HS6ST3: variants seen among roughly 807,000 people sequenced by gnomAD.
The protein encoded by HS6ST3 is heparan sulfate 6-O-sulfotransferase 3.
HS6ST3 carries 12 observed loss-of-function variants against 36.7 expected under a neutral mutation model. The observed-to-expected ratio is 0.33, with a 90% CI of 0.21 to 0.53. HS6ST3 has a LOEUF of 0.53. Ranked by LOEUF, HS6ST3 falls within the 20% of genes least tolerant of loss-of-function variation. HS6ST3 has a pLI of 0.95. For missense variants in HS6ST3, 584 were observed against 640.9 expected, an observed-to-expected ratio of 0.91 and a Z score of 0.96; for synonymous variants, 240 against 257.5, an observed-to-expected ratio of 0.93 and a Z score of 0.65.
At chr13:96,662,731 C>A (rs923207129) in intron 1 of HS6ST3, among the ~76,000 whole-genome samples, 2 of 152,070 alleles carry the variant, frequency 1.3e-5, no homozygotes, top group Non-Finnish European at 2.9e-5. Flanking sequence ...TTGGTTCTTT[C>A]TCATCTGGAG....
chr13:96,748,094 T>G (rs1876607167), intron 1 of HS6ST3, among the ~76,000 whole-genome samples: 1 of 152,104 alleles, frequency 6.6e-6, no homozygotes, highest in Non-Finnish European at 1.5e-5. Context: ...ACTTCATTCT[T>G]TGTTGTTACA....
At chr13:96,193,913 A>G (rs2054300261) in intron 1 of HS6ST3, among the ~76,000 whole-genome samples, 1 of 152,186 alleles carries the variant, frequency 6.6e-6, no homozygotes, top group South Asian at 2.1e-4. Flanking sequence ...CTACTTCATT[A>G]ACTGGAATTC....
chr13:96,298,663 A>T (rs1262095613), intron 1 of HS6ST3, among the ~76,000 whole-genome samples: 1 of 152,112 alleles, frequency 6.6e-6, no homozygotes, highest in African/African-American at 2.4e-5. Flanking sequence ...CAATTGCAAA[A>T]TTTTTTTATT....
At chr13:96,198,660 C>T in intron 1 of HS6ST3, among the ~76,000 whole-genome samples, 1 of 152,216 alleles carries the variant, frequency 6.6e-6, no homozygotes, top group East Asian at 1.9e-4. Flanking sequence ...GTCACCTTTA[C>T]TGCAGTTCCC....
At chr13:96,655,763 G>A (rs2056622529) in intron 1 of HS6ST3, among the ~76,000 whole-genome samples, 1 of 152,038 alleles carries the variant, frequency 6.6e-6, no homozygotes, top group African/African-American at 2.4e-5. Context: ...TTGTTCCTGG[G>A]AATTGGGTGA....
At chr13:96,328,194 C>G (rs1297532949) in intron 1 of HS6ST3, among the ~76,000 whole-genome samples, 1 of 143,920 alleles carries the variant, frequency 6.9e-6, no homozygotes, top group Non-Finnish European at 1.5e-5. Flanking sequence ...CCTAATTGCC[C>G]TGGCCAGAAC....
At chr13:96,659,516 T>G (rs553286056) in intron 1 of HS6ST3, among the ~76,000 whole-genome samples, 94 of 152,214 alleles carry the variant, frequency 6.2e-4, no homozygotes, top group Non-Finnish European at 1.0e-3. Flanking sequence ...AAATTTAAAA[T>G]GTATAACTTT....
intron 1 of HS6ST3, among the ~76,000 whole-genome samples, chr13:96,564,423 ATTGGGTGCTTTGC>A (rs1352624448): frequency 1.3e-5 from 2 of 152,200 alleles, no homozygotes; most frequent in Non-Finnish European, 2.9e-5. Context: ...TTCACAGATC[ATTGGGTGCTTTGC>A]TTTAGCACCT....
chr13:96,213,189 G>C (rs995600302), intron 1 of HS6ST3, among the ~76,000 whole-genome samples: 1 of 152,234 alleles, frequency 6.6e-6, no homozygotes, highest in Non-Finnish European at 1.5e-5. Flanking sequence ...GATGGCCCCA[G>C]GTTTTCCTTA....
intron 1 of HS6ST3, among the ~76,000 whole-genome samples, chr13:96,270,225 T>A (rs925681696): frequency 6.6e-6 from 1 of 151,792 alleles, no homozygotes; most frequent in Admixed American, 6.6e-5. Flanking sequence ...AGGCTGCCCA[T>A]GAGCCAAGAG....
intron 1 of HS6ST3, among the ~76,000 whole-genome samples, chr13:96,656,913 C>A (rs1349860700): frequency 6.8e-6 from 1 of 147,674 alleles, no homozygotes; most frequent in Non-Finnish European, 1.5e-5. Context: ...TTTGTCAAAA[C>A]CTGAATGTGT....
At chr13:96,453,422 A>G (rs1008535186) in intron 1 of HS6ST3, among the ~76,000 whole-genome samples, 15 of 152,176 alleles carry the variant, frequency 9.9e-5, no homozygotes, top group Non-Finnish European at 7.3e-5. Context: ...ATAAAAAAGG[A>G]AGATACTATC....
At chr13:96,319,395 G>A (rs2054992487) in intron 1 of HS6ST3, among the ~76,000 whole-genome samples, 1 of 152,124 alleles carries the variant, frequency 6.6e-6, no homozygotes, top group Non-Finnish European at 1.5e-5. Context: ...CCATTCATCA[G>A]CTCATGGACA....
intron 1 of HS6ST3, among the ~76,000 whole-genome samples, chr13:96,358,016 T>G (rs1218564251): frequency 6.6e-6 from 1 of 152,182 alleles, no homozygotes; most frequent in Non-Finnish European, 1.5e-5. Context: ...CGAATAGATT[T>G]ATTCAAAGCA....
chr13:96,528,736 A>G (rs2056124348), intron 1 of HS6ST3, among the ~76,000 whole-genome samples: 1 of 152,186 alleles, frequency 6.6e-6, no homozygotes. Context: ...AAAGAAAAAT[A>G]TCCCCAATTA....
At chr13:96,604,596 A>G (rs937484774) in intron 1 of HS6ST3, among the ~76,000 whole-genome samples, 2 of 152,196 alleles carry the variant, frequency 1.3e-5, no homozygotes, top group Admixed American at 1.3e-4. Flanking sequence ...TGTTAAGAGT[A>G]TAATGATTAG....
chr13:96,570,021 G>T (rs1427406973), intron 1 of HS6ST3, among the ~76,000 whole-genome samples: 2 of 152,140 alleles, frequency 1.3e-5, no homozygotes, highest in African/African-American at 4.8e-5. Flanking sequence ...TTGAAGGGAT[G>T]TATAAATAAA....
At chr13:96,384,913 C>T (rs1041547096) in intron 1 of HS6ST3, among the ~76,000 whole-genome samples, 1 of 152,196 alleles carries the variant, frequency 6.6e-6, no homozygotes, top group Non-Finnish European at 1.5e-5. Flanking sequence ...GGCACAGTGA[C>T]TCACGCCTGT....
chr13:96,124,370 C>T (rs1188376774), intron 1 of HS6ST3, among the ~76,000 whole-genome samples: 1 of 152,176 alleles, frequency 6.6e-6, no homozygotes, highest in Non-Finnish European at 1.5e-5. Flanking sequence ...ATCATTTAGC[C>T]ATGCTTCTTT....
Sources: gnomAD v4.1 joint callset for allele counts (sites outside exome capture counted in the v4.1 genomes callset) on GRCh38, gnomAD v4.1.1 for gene constraint, MANE v1.5 for transcripts, NCBI Gene and HGNC (gene_info 2026-07-23, HGNC 2026-07-21) for gene names.